Variants in SLC24A2 observed in about 807,000 individuals in gnomAD.
SLC24A2 encodes sodium/potassium/calcium exchanger 2.
SLC24A2 carries 36 observed loss-of-function variants against 62.0 expected under a neutral mutation model. That is an observed-to-expected ratio of 0.58 (90% CI 0.44 to 0.77). The LOEUF (loss-of-function observed/expected upper bound fraction) is 0.77, where lower values mean the gene tolerates loss of function less well. Among genes scored for constraint, SLC24A2 ranks in the 30% least tolerant of loss-of-function variants. The probability of loss-of-function intolerance (pLI) is 0.00; values close to 1 mark genes in which losing one functional copy is unlikely to be tolerated. For synonymous variants in SLC24A2, 358 were observed against 294.0 expected (o/e 1.22, Z -2.23); for missense variants, 846 against 817.9 (o/e 1.03, Z -0.42).
At chr9:20,301,720 ACAACTGTCAGCCAATGT>A in the SLC24A2 span, among the ~76,000 whole-genome samples, 1 of 152,140 alleles carries the variant, frequency 6.6e-6, no homozygotes, top group Non-Finnish European at 1.5e-5. Flanking sequence ...TACATTTGTT[ACAACTGTCAGCCAATGT>A]TGACACATCA....
intron 9 of SLC24A2, among the ~76,000 whole-genome samples, chr9:19,527,586 G>T (rs915741833): frequency 6.6e-6 from 1 of 152,132 alleles, no homozygotes; most frequent in Non-Finnish European, 1.5e-5. Context: ...CTCATATTGA[G>T]TTAAAAATAA....
chr9:20,287,768 C>A, the SLC24A2 span, among the ~76,000 whole-genome samples: 1 of 152,176 alleles, frequency 6.6e-6, no homozygotes, highest in African/African-American at 2.4e-5. Context: ...GAGCTACAAG[C>A]CCTTACAGAG....
At chr9:20,026,071 C>G in the SLC24A2 span, among the ~76,000 whole-genome samples, 1 of 152,106 alleles carries the variant, frequency 6.6e-6, no homozygotes, top group Non-Finnish European at 1.5e-5. Context: ...TGGCATTGGT[C>G]AAATTGCATA....
the SLC24A2 span, among the ~76,000 whole-genome samples, chr9:20,256,807 G>A: frequency 6.6e-6 from 1 of 152,030 alleles, no homozygotes; most frequent in Non-Finnish European, 1.5e-5. Flanking sequence ...CAAACTTGTA[G>A]TTCTTTTTAC....
At chr9:19,736,119 C>G (rs1821502771) in intron 2 of SLC24A2, among the ~76,000 whole-genome samples, 1 of 152,070 alleles carries the variant, frequency 6.6e-6, no homozygotes. Context: ...GGTAAAAGTA[C>G]TCATTTATAT....
chr9:20,276,965 C>G, the SLC24A2 span, among the ~76,000 whole-genome samples: 1 of 152,176 alleles, frequency 6.6e-6, no homozygotes, highest in Non-Finnish European at 1.5e-5. Context: ...TTTTTTCCTC[C>G]TAGGCCTCCT....
rs1832901621 is a variant in SLC24A2 at position 19,515,882 on chromosome 9, C to T, written c.*271G>A. ...TTGCATCGACTGTACCTCCGACCAG[C>T]GAGGTGTACTTGTCAGTGGTGAATA... On this transcript the variant is annotated 3_prime_UTR_variant, in exon 11 of 11. Transcript: ENST00000341998. 2 of 456,062 alleles carry T rather than the reference C, an allele frequency of 4.4e-6. No homozygotes were observed. Among genetic ancestry groups the T allele is most frequent in the Non-Finnish European group, 8.1e-6 (2 of 246,378 alleles). 28.3% of individuals were successfully genotyped at this position (456,062 alleles called of 1,614,324 possible).
At chr9:19,874,224 CG>C in the SLC24A2 span, among the ~76,000 whole-genome samples, 1 of 151,630 alleles carries the variant, frequency 6.6e-6, no homozygotes, top group Non-Finnish European at 1.5e-5. Context: ...GGATGACAGG[CG>C]TCAGCCACCA....
chr9:20,212,082 A>C, the SLC24A2 span, among the ~76,000 whole-genome samples: 2 of 151,992 alleles, frequency 1.3e-5, 1 homozygote, highest in South Asian at 4.1e-4. Context: ...AAGAATTCAA[A>C]ATAAATTTTA....
chr9:19,832,938 A>G, the SLC24A2 span, among the ~76,000 whole-genome samples: 1 of 152,250 alleles, frequency 6.6e-6, no homozygotes, highest in African/African-American at 2.4e-5. Flanking sequence ...AAGGATATGA[A>G]CAGACACTTC....
the SLC24A2 span, among the ~76,000 whole-genome samples, chr9:20,246,457 C>T: frequency 0.17 from 26,012 of 152,104 alleles, 2,309 homozygotes; most frequent in African/African-American, 0.2. Context: ...ACCCTATAAA[C>T]ATGCAAACAT....
At chr9:20,272,843 G>A in the SLC24A2 span, among the ~76,000 whole-genome samples, 1 of 152,180 alleles carries the variant, frequency 6.6e-6, no homozygotes, top group Admixed American at 6.5e-5. Flanking sequence ...ATGGGAAGCT[G>A]AAGCCAATAG....
chr9:19,785,820 C>T, intron 2 of SLC24A2, 117 bp downstream of exon 2: 2 of 1,330,888 alleles, frequency 1.5e-6, no homozygotes, highest in Non-Finnish European at 2.1e-6. Flanking sequence ...CAGAATCAAT[C>T]TGCTATCCAC....
chr9:19,680,627 G>A (rs1819694373), intron 2 of SLC24A2, among the ~76,000 whole-genome samples: 1 of 101,534 alleles, frequency 9.8e-6, no homozygotes, highest in Admixed American at 1.1e-4. Flanking sequence ...TATATTCATA[G>A]CTAACTTTAT....
chr9:19,603,310 A>G (rs1476203131), intron 4 of SLC24A2, among the ~76,000 whole-genome samples: 1 of 152,138 alleles, frequency 6.6e-6, no homozygotes, highest in Non-Finnish European at 1.5e-5. Flanking sequence ...ATTAAATCCT[A>G]TCAATTCTGG....
chr9:20,217,555 T>C, the SLC24A2 span, among the ~76,000 whole-genome samples: 1 of 152,232 alleles, frequency 6.6e-6, no homozygotes, highest in East Asian at 1.9e-4. Flanking sequence ...TTAGTCTTCC[T>C]AAAAAAAGCT....
At chr9:19,992,214 G>A in the SLC24A2 span, among the ~76,000 whole-genome samples, 2,046 of 152,220 alleles carry the variant, frequency 0.013, 50 homozygotes, top group African/African-American at 0.047. Flanking sequence ...TGTATATACC[G>A]GGGGGATGTC....
At chr9:19,829,940 C>T in the SLC24A2 span, among the ~76,000 whole-genome samples, 1 of 151,554 alleles carries the variant, frequency 6.6e-6, no homozygotes, top group African/African-American at 2.4e-5. Context: ...TATTTGGATT[C>T]TCCAGTTTCA....
At chr9:19,878,133 T>C in the SLC24A2 span, among the ~76,000 whole-genome samples, 2 of 152,134 alleles carry the variant, frequency 1.3e-5, no homozygotes, top group African/African-American at 4.8e-5. Context: ...TCTTACTTTT[T>C]TTTTGGAATG....
Sources: allele counts gnomAD v4.1 joint callset (sites outside exome capture counted in the v4.1 genomes callset), GRCh38; gene constraint gnomAD v4.1.1; transcripts MANE v1.5; gene names NCBI Gene and HGNC (gene_info 2026-07-23, HGNC 2026-07-21).